The following NKAIN3 variants were observed in gnomAD, a reference collection of about 807,000 sequenced individuals.
NKAIN3 encodes sodium/potassium-transporting ATPase subunit beta-1-interacting protein 3.
Under a neutral mutation model 30.2 loss-of-function variants are expected in NKAIN3, and 25 were observed. The observed-to-expected ratio is 0.83, with a 90% CI of 0.60 to 1.16. NKAIN3 has a LOEUF of 1.16. Among genes scored for constraint, NKAIN3 ranks in the 50% most tolerant of loss-of-function variants. The pLI, the probability that NKAIN3 is intolerant of heterozygous loss-of-function variation, is 0.00. For missense variants in NKAIN3, 225 were observed against 254.1 expected (o/e 0.89, Z 0.78); for synonymous variants, 91 against 89.6 (o/e 1.02, Z -0.09).
Position 62,349,249 on chromosome 8 carries a change from A to G in NKAIN3, c.54+100122A>G, listed in dbSNP as rs550204473. Among the ~76,000 whole-genome samples, 29 of 152,270 alleles carry G rather than the reference A, an allele frequency of 1.9e-4. No individual in the cohort carries two copies. The East Asian group carries it at 5.2e-3, about 27-fold the overall frequency. ...AGGTGTTTTCATGTGGAAGTGCAGC[A>G]AGGGGATTCTTTAATATTTAATCCC... On this transcript the variant is annotated intron_variant, in intron 1 of 6. Coordinates refer to ENST00000623646, the MANE Select transcript of NKAIN3 (RefSeq NM_001304533.3).
At chr8:62,336,906 C>T (rs1052276097) in intron 1 of NKAIN3, among the ~76,000 whole-genome samples, 3 of 152,076 alleles carry the variant, frequency 2.0e-5, no homozygotes, top group Non-Finnish European at 4.4e-5. Flanking sequence ...GTCAAAGCTA[C>T]TCAGCCTGAC....
At chr8:62,986,967 G>A (rs1824212855), downstream of NKAIN3, among the ~76,000 whole-genome samples, 1 of 152,030 alleles carries the variant, frequency 6.6e-6, no homozygotes, top group Non-Finnish European at 1.5e-5. Context: ...CATTGCCCCT[G>A]CTCTTTCATG....
intron 4 of NKAIN3, among the ~76,000 whole-genome samples, chr8:62,894,253 C>A (rs573491124): frequency 3.3e-4 from 51 of 152,244 alleles, no homozygotes; most frequent in African/African-American, 1.1e-3. Flanking sequence ...TGCTAATTTC[C>A]ATTCATGTAC....
chr8:62,604,837 G>A (rs1811076200), intron 3 of NKAIN3, among the ~76,000 whole-genome samples: 2 of 152,074 alleles, frequency 1.3e-5, no homozygotes, highest in Admixed American at 1.3e-4. Flanking sequence ...AATTTTCTAA[G>A]TGTTCAACTA....
intron 1 of NKAIN3, among the ~76,000 whole-genome samples, chr8:62,563,067 C>T (rs1016630663): frequency 8.5e-5 from 13 of 152,190 alleles, no homozygotes; most frequent in African/African-American, 2.9e-4. Flanking sequence ...AACTTTAGTG[C>T]TCTCAGGTTC....
intron 1 of NKAIN3, among the ~76,000 whole-genome samples, chr8:62,263,492 G>A (rs562166824): frequency 2.0e-5 from 3 of 152,250 alleles, no homozygotes; most frequent in African/African-American, 7.2e-5. Flanking sequence ...GCCATCAGCT[G>A]CTCGGCAGCC....
At chr8:62,429,762 C>A (rs923919847) in intron 1 of NKAIN3, among the ~76,000 whole-genome samples, 22 of 151,790 alleles carry the variant, frequency 1.4e-4, no homozygotes, top group Admixed American at 2.0e-4. Flanking sequence ...CTAGGATACT[C>A]CAGTCTTTGT....
intron 3 of NKAIN3, among the ~76,000 whole-genome samples, chr8:62,594,239 A>G (rs1196355151): frequency 6.6e-6 from 1 of 152,038 alleles, no homozygotes; most frequent in East Asian, 1.9e-4. Context: ...ATAGAGGAGG[A>G]GGGACCATTT....
intron 4 of NKAIN3, among the ~76,000 whole-genome samples, chr8:62,909,806 T>C (rs912240651): frequency 3.3e-5 from 5 of 152,182 alleles, no homozygotes; most frequent in Non-Finnish European, 4.4e-5. Flanking sequence ...GAGATTATGG[T>C]TGGCAAATTC....
chr8:62,803,078 T>C (rs1370148994), intron 4 of NKAIN3, among the ~76,000 whole-genome samples: 2 of 152,148 alleles, frequency 1.3e-5, no homozygotes, highest in Admixed American at 6.5e-5. Context: ...CCTAAATATA[T>C]ATGCACCCAA....
intron 3 of NKAIN3, among the ~76,000 whole-genome samples, chr8:62,694,903 G>A (rs1007379742): frequency 1.1e-4 from 16 of 152,162 alleles, no homozygotes; most frequent in South Asian, 1.0e-3. Context: ...CTTAACTCAC[G>A]TCCTAAACCC....
chr8:62,422,028 AG>A (rs1265896638), intron 1 of NKAIN3, among the ~76,000 whole-genome samples: 1 of 152,134 alleles, frequency 6.6e-6, no homozygotes, highest in Non-Finnish European at 1.5e-5. Context: ...GCAGGTTTTT[AG>A]GAATATTGCT....
chr8:62,898,469 A>G (rs1420593049), intron 4 of NKAIN3, among the ~76,000 whole-genome samples: 4 of 152,164 alleles, frequency 2.6e-5, no homozygotes, highest in Admixed American at 2.6e-4. Flanking sequence ...TGAAAAACCA[A>G]ATATCATGTG....
At chr8:62,701,758 G>C (rs992934626) in intron 3 of NKAIN3, among the ~76,000 whole-genome samples, 1 of 152,082 alleles carries the variant, frequency 6.6e-6, no homozygotes, top group African/African-American at 2.4e-5. Flanking sequence ...TATTTCCCAG[G>C]CTTCTCTCCC....
intron 3 of NKAIN3, among the ~76,000 whole-genome samples, chr8:62,727,555 G>T (rs958357009): frequency 1.3e-5 from 2 of 152,122 alleles, no homozygotes; most frequent in African/African-American, 4.8e-5. Flanking sequence ...TACTAGAAAT[G>T]AGTAAGTGGC....
chr8:62,873,772 T>G (rs559021541), intron 4 of NKAIN3, among the ~76,000 whole-genome samples: 90 of 152,104 alleles, frequency 5.9e-4, no homozygotes, highest in African/African-American at 2.0e-3. Flanking sequence ...AATCAAGAAG[T>G]TCTTTGAAAT....
intron 3 of NKAIN3, among the ~76,000 whole-genome samples, chr8:62,707,135 G>T (rs768079143): frequency 2.0e-5 from 3 of 151,760 alleles, no homozygotes; most frequent in African/African-American, 7.3e-5. Flanking sequence ...TGATTGATGA[G>T]CATTTTGGTT....
rs61046453 is a variant in NKAIN3, at chr8:62,971,632, C to CA, written c.*6234dup. On this transcript the variant is annotated 3_prime_UTR_variant, in exon 7 of 7. Coordinates refer to ENST00000623646, the MANE Select transcript of NKAIN3 (RefSeq NM_001304533.3). ...TGGGAGATGGAGCCAAACCTTGTCT[C>CA]AAAAAAAAAGCGGGGGGGGCTTCAT... Among the ~76,000 whole-genome samples, 1,365 of 139,046 alleles carry CA rather than the reference C, an allele frequency of 9.8e-3. 22 individuals carry two copies. The highest frequency in any genetic ancestry group is 0.034 in the African/African-American group (1,297 of 38,706). 91.2% of individuals were successfully genotyped at this position (139,046 alleles called of 152,430 possible).
intron 1 of NKAIN3, among the ~76,000 whole-genome samples, chr8:62,276,495 A>C (rs368337891): frequency 6.6e-6 from 1 of 152,230 alleles, no homozygotes; most frequent in African/African-American, 2.4e-5. Flanking sequence ...TGTGCTGCTG[A>C]TGATCTCAAG....
Sources: allele counts gnomAD v4.1 joint callset (sites outside exome capture counted in the v4.1 genomes callset), GRCh38; gene constraint gnomAD v4.1.1; transcripts MANE v1.5; gene names NCBI Gene and HGNC (gene_info 2026-07-23, HGNC 2026-07-21).